Variants in CYP39A1 observed in about 807,000 individuals in gnomAD.
The protein encoded by CYP39A1 is 24-hydroxycholesterol 7-alpha-hydroxylase.
In CYP39A1, 49 loss-of-function variants were observed where a neutral mutation model predicts 58.1. The observed-to-expected ratio is 0.84, with a 90% CI of 0.67 to 1.07. The LOEUF (loss-of-function observed/expected upper bound fraction) is 1.07. CYP39A1 is among the 50% of genes least tolerant of loss of function. The pLI, the probability that CYP39A1 is intolerant of heterozygous loss-of-function variation, is 0.00. For synonymous variants in CYP39A1, 209 were observed against 187.6 expected, an observed-to-expected ratio of 1.11 and a Z score of -0.93; for missense variants, 531 against 539.4, an observed-to-expected ratio of 0.98 and a Z score of 0.16.
At chr6:46,562,038 T>G (rs1445947201) in intron 10 of CYP39A1, among the ~76,000 whole-genome samples, 1 of 152,144 alleles carries the variant, frequency 6.6e-6, no homozygotes, top group Non-Finnish European at 1.5e-5. Context: ...GTTTGTTTGT[T>G]TTTTGAGACA....
At chr6:46,590,488 C>A (rs774245254) in intron 8 of CYP39A1, among the ~76,000 whole-genome samples, 1 of 152,230 alleles carries the variant, frequency 6.6e-6, no homozygotes, top group South Asian at 2.1e-4. Flanking sequence ...AGGTCTAAAG[C>A]ACACAGCCTT....
At chr6:46,553,997 T>TA in intron 10 of CYP39A1, 143 bp from the exon 11 acceptor site, 4 of 617,578 alleles carry the variant, frequency 6.5e-6, no homozygotes, top group Non-Finnish European at 2.8e-6. Context: ...AAGGACAGAG[T>TA]AAGAACTTAA....
intron 10 of CYP39A1, among the ~76,000 whole-genome samples, chr6:46,560,079 T>C (rs1382208979): frequency 6.6e-6 from 1 of 152,090 alleles, no homozygotes; most frequent in Admixed American, 6.5e-5. Flanking sequence ...TCTGATGAGG[T>C]GACATTTTAT....
intron 7 of CYP39A1, among the ~76,000 whole-genome samples, chr6:46,617,371 A>C (rs1400689752): frequency 1.3e-5 from 2 of 152,170 alleles, no homozygotes; most frequent in African/African-American, 4.8e-5. Flanking sequence ...TGGGTATTCC[A>C]AAGTCTACCT....
At chr6:46,583,842 C>T (rs916958888) in intron 10 of CYP39A1, among the ~76,000 whole-genome samples, 1 of 152,128 alleles carries the variant, frequency 6.6e-6, no homozygotes, top group African/African-American at 2.4e-5. Flanking sequence ...GGTTCTCATA[C>T]CACCTCAGTG....
intron 7 of CYP39A1, among the ~76,000 whole-genome samples, chr6:46,600,031 TCTC>T (rs1773392469): frequency 6.6e-6 from 1 of 152,146 alleles, no homozygotes; most frequent in Non-Finnish European, 1.5e-5. Context: ...CTAACACAGA[TCTC>T]CTAAAACCTT....
chr6:46,607,342 A>G (rs1773909868), intron 7 of CYP39A1, among the ~76,000 whole-genome samples: 1 of 151,888 alleles, frequency 6.6e-6, no homozygotes. Context: ...TCCAAAATTA[A>G]TCACAAAAAT....
chr6:46,583,426 A>G (rs574091590), intron 10 of CYP39A1: 426 of 985,232 alleles, frequency 4.3e-4, no homozygotes, highest in Non-Finnish European at 4.9e-4. Flanking sequence ...TCACTCAAAG[A>G]AGTTTTCCTC....
chr6:46,588,806 G>T (rs750944598), intron 8 of CYP39A1, among the ~76,000 whole-genome samples: 1 of 152,132 alleles, frequency 6.6e-6, no homozygotes, highest in Non-Finnish European at 1.5e-5. Flanking sequence ...AGTGCTTGTG[G>T]AAATGAGGAT....
intron 10 of CYP39A1, among the ~76,000 whole-genome samples, chr6:46,571,456 T>C (rs1771578890): frequency 6.6e-6 from 1 of 152,150 alleles, no homozygotes; most frequent in Non-Finnish European, 1.5e-5. Context: ...GATGAATTTA[T>C]CCCTTTATCA....
At chr6:46,638,050 G>A (rs1459535201) in intron 3 of CYP39A1, 72 bp from the exon 4 acceptor site, 41 of 1,465,384 alleles carry the variant, frequency 2.8e-5, no homozygotes, top group Non-Finnish European at 3.7e-5. Flanking sequence ...ACAAAGCAAG[G>A]CATTATTTCA....
intron 10 of CYP39A1, among the ~76,000 whole-genome samples, chr6:46,556,387 A>C (rs770090693): frequency 7.2e-5 from 11 of 152,242 alleles, no homozygotes; most frequent in Non-Finnish European, 1.5e-4. Flanking sequence ...GAAAAGAAGG[A>C]GTTTCACAGA....
intron 7 of CYP39A1, among the ~76,000 whole-genome samples, chr6:46,613,077 A>G (rs1039946333): frequency 6.6e-6 from 1 of 152,370 alleles, no homozygotes; most frequent in South Asian, 2.1e-4. Flanking sequence ...GCAATAAAGT[A>G]AAACTAATCA....
chr6:46,610,162 A>G (rs1333173803), intron 7 of CYP39A1, among the ~76,000 whole-genome samples: 1 of 152,246 alleles, frequency 6.6e-6, no homozygotes, highest in East Asian at 1.9e-4. Flanking sequence ...CCACAGTTTT[A>G]GTTTTGAAAG....
chr6:46,578,161 T>G (rs1420659682), intron 10 of CYP39A1, among the ~76,000 whole-genome samples: 1 of 152,042 alleles, frequency 6.6e-6, no homozygotes, highest in Non-Finnish European at 1.5e-5. Context: ...AATTAATTGC[T>G]CTGCTCCTGA....
chr6:46,574,277 G>T (rs1462077263), intron 10 of CYP39A1, among the ~76,000 whole-genome samples: 1 of 152,176 alleles, frequency 6.6e-6, no homozygotes, highest in Non-Finnish European at 1.5e-5. Context: ...AGAAACCCTA[G>T]TAGTTAATTT....
At chr6:46,598,817 A>C (rs1473965970) in intron 7 of CYP39A1, among the ~76,000 whole-genome samples, 1 of 152,174 alleles carries the variant, frequency 6.6e-6, no homozygotes, top group East Asian at 1.9e-4. Context: ...AGAAATCCTG[A>C]GGTTCTAATT....
At chr6:46,635,015 G>T (rs977749938) in intron 5 of CYP39A1, among the ~76,000 whole-genome samples, 1 of 152,152 alleles carries the variant, frequency 6.6e-6, no homozygotes, top group African/African-American at 2.4e-5. Flanking sequence ...TGTCAATGAA[G>T]GGCCTTCCAG....
intron 7 of CYP39A1, among the ~76,000 whole-genome samples, chr6:46,613,865 T>TA (rs1334343055): frequency 6.6e-6 from 1 of 150,514 alleles, no homozygotes; most frequent in African/African-American, 2.4e-5. Context: ...TGTGAGTACT[T>TA]ACGCTGTCAA....
Sources: gnomAD v4.1 joint callset for allele counts (sites outside exome capture counted in the v4.1 genomes callset) on GRCh38, gnomAD v4.1.1 for gene constraint, MANE v1.5 for transcripts, NCBI Gene and HGNC (gene_info 2026-07-23, HGNC 2026-07-21) for gene names.